TPM4: variants seen among roughly 807,000 people sequenced by gnomAD.
TPM4 encodes the protein tropomyosin alpha-4 chain.
Under a neutral mutation model 35.8 loss-of-function variants are expected in TPM4, and 17 were observed. The ratio of observed to expected loss-of-function variants is 0.47; its 90% CI spans 0.32 to 0.71. The LOEUF (loss-of-function observed/expected upper bound fraction) is 0.71, where lower values mean the gene tolerates loss of function less well. TPM4 is among the 30% of genes least tolerant of loss of function. The pLI, the probability that TPM4 is intolerant of heterozygous loss-of-function variation, is 0.03. For synonymous variants in TPM4, 120 were observed against 122.9 expected (o/e 0.98, Z 0.15); for missense variants, 240 against 320.9 (o/e 0.75, Z 1.93).
At chr19:16,088,732 G>A (rs769299768) in intron 4 of TPM4, 185 of 1,118,344 alleles carry the variant, frequency 1.7e-4, no homozygotes, top group Non-Finnish European at 1.8e-4. Flanking sequence ...TACACCTTCC[G>A]GAGTCGGCCT....
chr19:16,069,616 CTG>C (rs530149229), intron 2 of TPM4, among the ~76,000 whole-genome samples: 1,458 of 102,602 alleles, frequency 0.014, 6 homozygotes, highest in African/African-American at 0.054. Flanking sequence ...GTTTCTGTTG[CTG>C]TGTGTGTGTG....
intron 1 of TPM4, chr19:16,081,299 G>A (rs765086638): frequency 2.6e-6 from 1 of 377,774 alleles, no homozygotes; most frequent in Non-Finnish European, 4.7e-6. Context: ...TGGGTCTATT[G>A]TGTTGCTGGA....
Position 16,067,700 on chromosome 19 carries a change from G to A in TPM4, c.76G>A (p.Glu26Lys), listed in dbSNP as rs1173988838. ...TGCCATCGACCGCGCGGAGCAGGCG[G>A]AGGCGGATAAGAAAGCCGCTGAGGA... is the stretch of plus-strand genomic sequence containing the variant. The change falls in exon 2 of 3, where the codon GAG becomes AAG. Residue 26 changes from glutamate to lysine, a missense_variant. Transcript: ENST00000589897. This position sits in a 1 kb window ranked among gnomAD's most constrained non-coding sequence, Gnocchi z 4.1. The A allele has an allele frequency of 1.9e-6, 3 of 1,613,618 alleles. No individual in the cohort carries two copies. Among genetic ancestry groups the A allele is most frequent in the Non-Finnish European group, 1.7e-6 (2 of 1,179,874 alleles).
At chr19:16,097,115 A>G (rs1420635756) in intron 7 of TPM4, among the ~76,000 whole-genome samples, 4 of 148,842 alleles carry the variant, frequency 2.7e-5, no homozygotes, top group East Asian at 4.0e-4. Flanking sequence ...CACCACACTC[A>G]GCTAATTTTT....
At chr19:16,088,730 C>T in intron 4 of TPM4, 1 of 1,120,580 alleles carries the variant, frequency 8.9e-7, no homozygotes. Flanking sequence ...CTTACACCTT[C>T]CGGAGTCGGC....
rs773934055 is a variant in TPM4 at position 16,101,408 on chromosome 19, T to C, written c.*62T>C. 1.6e-4 allele frequency: 201 copies of C among 1,276,332 alleles called. No individual in the cohort carries two copies. Among genetic ancestry groups the C allele is most frequent in the Non-Finnish European group, 1.7e-4 (160 of 933,184 alleles). The allele number at this position is 1,276,332 out of a possible 1,614,324, so 79.1% of individuals were successfully genotyped here. On this transcript the variant is annotated 3_prime_UTR_variant, in exon 8 of 8. Transcript: ENST00000643579. ...GAGCTCCGTGGGTCTTTCTCTTCTCTTGTAAGAAGTTCCTTTTGTTATTGC... is the reference window on the plus strand; with the variant it reads ...GAGCTCCGTGGGTCTTTCTCTTCTCCTGTAAGAAGTTCCTTTTGTTATTGC...
Position 16,086,452 on chromosome 19 carries a change from T to C in TPM4, c.296T>C (p.Met99Thr), listed in dbSNP as rs2090553065. The C allele has an allele frequency of 6.2e-7, 1 of 1,613,430 alleles. No homozygotes were observed. The highest frequency in any genetic ancestry group is 1.1e-5 in the South Asian group (1 of 91,034). The change falls in exon 3 of 8, where the codon ATG becomes ACG. Residue 99 changes from methionine (M) to threonine (T), a missense_variant. Physicochemically the swap from Met to Thr is moderately conservative, Grantham distance 81. Transcript: ENST00000643579. ...ATGAAGGTGATAGAAAACCGGGCCA[T>C]GAAGGATGAGGAGAAGATGGAGATT... ...RGMKVIENRAMKDEEKMEIQE... is the reference protein window; with the variant it reads ...RGMKVIENRATKDEEKMEIQE...
upstream of TPM4, chr19:16,076,286 TC>T (rs1293899204): frequency 5.9e-6 from 9 of 1,519,136 alleles, no homozygotes; most frequent in Non-Finnish European, 7.9e-6. Flanking sequence ...AGGCGGCGCC[TC>T]CCAGCGCTTT....
intron 5 of TPM4, among the ~76,000 whole-genome samples, chr19:16,090,437 A>T (rs929442622): frequency 6.7e-6 from 1 of 149,224 alleles, no homozygotes. Context: ...AGTTTTTGGT[A>T]GAGACAAGGT....
chr19:16,073,938 TAA>T (rs71178637), upstream of TPM4, among the ~76,000 whole-genome samples: 1,810 of 35,564 alleles, frequency 0.051, 13 homozygotes, highest in African/African-American at 0.12. Context: ...GAAGACCATG[TAA>T]AAAAAAAAAA....
chr19:16,068,102 C>A, intron 2 of TPM4: 1 of 345,804 alleles, frequency 2.9e-6, no homozygotes, highest in Non-Finnish European at 5.3e-6. Flanking sequence ...TGTGTTTGAG[C>A]GTATGTGTGT....
At chr19:16,088,716 C>T in intron 4 of TPM4, 5 of 1,096,062 alleles carry the variant, frequency 4.6e-6, no homozygotes, top group Non-Finnish European at 5.6e-6. Context: ...CCCTCAGTCC[C>T]ATTCTTACAC....
intron 1 of TPM4, 76 bp downstream of exon 1, chr19:16,076,773 G>A: frequency 3.9e-6 from 5 of 1,281,982 alleles, no homozygotes; most frequent in South Asian, 2.3e-5. Flanking sequence ...GGCTTCCCGC[G>A]CTGCCCGCCC....
At position 16,070,329 on chromosome 19, in the gene TPM4, GAGGA is replaced by G. The variant is rs1461298119; in HGVS notation, c.114+2599_114+2602del. On this transcript the variant is annotated intron_variant, in intron 2 of 2. Coordinates refer to the TPM4 transcript ENST00000589897. The surrounding 1 kb of genome is among the most constrained non-coding windows in gnomAD (Gnocchi z 7.4). ...CAGAGCAGACAGGAGCAGTGGGTGGGAGGAAGGAAGGGAGTCCCCTCCCACAGAG... is the reference window on the plus strand; with the variant it reads ...CAGAGCAGACAGGAGCAGTGGGTGGGAGGAAGGGAGTCCCCTCCCACAGAG... Among the ~76,000 whole-genome samples the G allele has an allele frequency of 6.6e-6, 1 of 152,146 alleles. No individual in the cohort carries two copies. Among genetic ancestry groups the G allele is most frequent in the African/African-American group, 2.4e-5 (1 of 41,412 alleles).
chr19:16,089,859 T>A (rs576288051), intron 5 of TPM4, among the ~76,000 whole-genome samples: 1 of 151,982 alleles, frequency 6.6e-6, no homozygotes, highest in Non-Finnish European at 1.5e-5. Context: ...AGCCTTTTTT[T>A]TTCTTTTCTT....
intron 7 of TPM4, among the ~76,000 whole-genome samples, chr19:16,096,765 T>C (rs951030133): frequency 1.3e-5 from 2 of 152,094 alleles, no homozygotes; most frequent in African/African-American, 4.8e-5. Context: ...TTAGAATTCT[T>C]TTCCCGAATT....
intron 7 of TPM4, among the ~76,000 whole-genome samples, chr19:16,096,221 G>A (rs1402715933): frequency 6.6e-6 from 1 of 152,042 alleles, no homozygotes; most frequent in African/African-American, 2.4e-5. Context: ...GAGCCATCAC[G>A]CCTGGCCATT....
At chr19:16,071,222 G>A (rs966163864) in intron 2 of TPM4, among the ~76,000 whole-genome samples, 2 of 152,120 alleles carry the variant, frequency 1.3e-5, no homozygotes, top group Non-Finnish European at 2.9e-5. Flanking sequence ...AGAGATGGGG[G>A]TCTCACTCTG....
chr19:16,075,849 G>C (rs1379668066), upstream of TPM4: 3 of 791,342 alleles, frequency 3.8e-6, no homozygotes, highest in African/African-American at 1.7e-5. Flanking sequence ...TCAGGACGAG[G>C]GAAAGATGTG....
Sources: allele counts gnomAD v4.1 joint callset (sites outside exome capture counted in the v4.1 genomes callset), GRCh38; gene constraint gnomAD v4.1.1; non-coding constraint Gnocchi (gnomAD v3.1); transcripts MANE v1.5; gene names NCBI Gene and HGNC (gene_info 2026-07-23, HGNC 2026-07-21).